Variants in GRIN2A observed in about 807,000 individuals in gnomAD.
The protein encoded by GRIN2A is glutamate ionotropic receptor NMDA type subunit 2A.
A neutral mutation model predicts 113.4 loss-of-function variants in GRIN2A; 22 were observed. That is an observed-to-expected ratio of 0.19 (90% CI 0.14 to 0.28). GRIN2A has a LOEUF of 0.28. GRIN2A is among the 10% of genes least tolerant of loss of function. The pLI, the probability that GRIN2A is intolerant of heterozygous loss-of-function variation, is 1.00. For missense variants in GRIN2A, 1,502 were observed against 1,887.0 expected (o/e 0.80, Z 3.78); for synonymous variants, 827 against 738.4 (o/e 1.12, Z -1.94).
At chr16:9,930,233 C>T (rs2044557531) in intron 3 of GRIN2A, among the ~76,000 whole-genome samples, 1 of 152,032 alleles carries the variant, frequency 6.6e-6, no homozygotes, top group African/African-American at 2.4e-5. Flanking sequence ...TGTAGAGTGC[C>T]GACTATATCC....
At chr16:10,137,348 G>T (rs1012954394) in intron 2 of GRIN2A, among the ~76,000 whole-genome samples, 1 of 152,128 alleles carries the variant, frequency 6.6e-6, no homozygotes, top group African/African-American at 2.4e-5. Flanking sequence ...TTGAAAGCAG[G>T]CCTGACTCTA....
Position 9,798,373 on chromosome 16 carries a change from A to G in GRIN2A, c.2260T>C (p.Tyr754His). 1 of 1,613,782 alleles carries G rather than the reference A, an allele frequency of 6.2e-7. No homozygotes were observed. Residue 754 changes from tyrosine (Y) to histidine (H), a missense_variant, in exon 11 of 13, where the codon TAC becomes CAC. By Grantham distance (83) the Tyr-to-His change is moderately conservative. Coordinates refer to ENST00000330684, the MANE Select transcript of GRIN2A (RefSeq NM_001134407.3). ...CCATAACCGGTGGTGGCAAAGATGT[A>G]CCCACTCCCGATGGTCACCAGCTTG... Reference protein sequence around the residue: ...GCKLVTIGSGYIFATTGYGIA... With the variant: ...GCKLVTIGSGHIFATTGYGIA...
chr16:9,842,439 A>G (rs1403312236), intron 5 of GRIN2A, among the ~76,000 whole-genome samples: 2 of 152,214 alleles, frequency 1.3e-5, no homozygotes, highest in Admixed American at 6.5e-5. Flanking sequence ...CTCTGTTTGA[A>G]TATCCCATTT....
At chr16:9,802,773 T>A (rs1363316341) in intron 10 of GRIN2A, among the ~76,000 whole-genome samples, 1 of 152,180 alleles carries the variant, frequency 6.6e-6, no homozygotes, top group East Asian at 1.9e-4. Context: ...CTACTATGGA[T>A]ATCGAGCACT....
intron 2 of GRIN2A, among the ~76,000 whole-genome samples, chr16:10,132,963 T>C (rs1486195431): frequency 1.3e-5 from 2 of 152,230 alleles, no homozygotes; most frequent in East Asian, 3.9e-4. Flanking sequence ...GTTTGTAGAG[T>C]CTGCCCACAT....
chr16:9,981,852 T>C (rs1328785559), intron 2 of GRIN2A, among the ~76,000 whole-genome samples: 1 of 152,192 alleles, frequency 6.6e-6, no homozygotes, highest in Admixed American at 6.5e-5. Context: ...AGGGGTGTGA[T>C]CTCTGCTCAC....
chr16:10,144,914 C>T (rs1253601592), intron 2 of GRIN2A, among the ~76,000 whole-genome samples: 5 of 67,350 alleles, frequency 7.4e-5, no homozygotes, highest in Non-Finnish European at 1.1e-4. Context: ...GAGCAAGACC[C>T]TGTCTCAAAA....
At chr16:9,898,284 G>A (rs764014565) in intron 3 of GRIN2A, among the ~76,000 whole-genome samples, 4 of 151,988 alleles carry the variant, frequency 2.6e-5, no homozygotes, top group African/African-American at 7.3e-5. Flanking sequence ...CAAATGCAAT[G>A]CTTTTTAAAG....
intron 10 of GRIN2A, among the ~76,000 whole-genome samples, chr16:9,813,358 TAG>T (rs1421751487): frequency 6.6e-6 from 1 of 152,106 alleles, no homozygotes; most frequent in Non-Finnish European, 1.5e-5. Flanking sequence ...CAGGAAAAAA[TAG>T]AGAATTATAG....
intron 5 of GRIN2A, 143 bp from the exon 6 acceptor site, chr16:9,841,247 T>C: frequency 2.7e-6 from 2 of 727,840 alleles, no homozygotes; most frequent in Non-Finnish European, 4.9e-6. Flanking sequence ...ACACTGTGAG[T>C]ACATGACAGC....
chr16:9,758,646 A>G lies in GRIN2A; in HGVS notation c.*4503T>C, dbSNP rs1364987138. 1 of 213,674 alleles carries G rather than the reference A, an allele frequency of 4.7e-6. No individual in the cohort carries two copies. Among genetic ancestry groups the G allele is most frequent in the Non-Finnish European group, 9.5e-6 (1 of 105,690 alleles). 13.2% of individuals were successfully genotyped at this position (213,674 alleles called of 1,614,324 possible). A position where few individuals can be genotyped will look rare whatever the true frequency, so the allele number is the denominator to read the frequency against. On this transcript the variant is annotated 3_prime_UTR_variant, in exon 13 of 13. Transcript: ENST00000330684. ...ATATTATATACATGTGTACACAAGC[A>G]GTTGTATTCACAGGATAAGTGCATT...
At chr16:9,766,752 A>T (rs1320942976) in intron 12 of GRIN2A, among the ~76,000 whole-genome samples, 1 of 151,848 alleles carries the variant, frequency 6.6e-6, no homozygotes, top group Non-Finnish European at 1.5e-5. Flanking sequence ...AAATCAAATC[A>T]AATCAATCAA....
intron 2 of GRIN2A, among the ~76,000 whole-genome samples, chr16:10,093,630 C>CA (rs2048228693): frequency 7.1e-6 from 1 of 141,432 alleles, no homozygotes; most frequent in African/African-American, 2.5e-5. Context: ...AAAAAAAAAA[C>CA]AAAAAACCTT....
At chr16:10,049,240 T>TTTAA (rs1453755785) in intron 2 of GRIN2A, among the ~76,000 whole-genome samples, 1 of 152,206 alleles carries the variant, frequency 6.6e-6, no homozygotes, top group African/African-American at 2.4e-5. Context: ...TGCCTATTTA[T>TTTAA]TTAAATTTAT....
At chr16:9,947,519 C>T (rs932307660) in intron 2 of GRIN2A, among the ~76,000 whole-genome samples, 5 of 152,214 alleles carry the variant, frequency 3.3e-5, no homozygotes, top group Admixed American at 2.6e-4. Flanking sequence ...ATAACACTTG[C>T]TAGGGGCAGG....
At chr16:9,778,645 G>A (rs1391143134) in intron 11 of GRIN2A, among the ~76,000 whole-genome samples, 1 of 152,188 alleles carries the variant, frequency 6.6e-6, no homozygotes, top group Non-Finnish European at 1.5e-5. Context: ...GACCAACGAG[G>A]GGAAGTAAAT....
chr16:10,178,159 C>T (rs375028402), intron 2 of GRIN2A, among the ~76,000 whole-genome samples: 8 of 152,146 alleles, frequency 5.3e-5, no homozygotes, highest in Non-Finnish European at 8.8e-5. Flanking sequence ...AATCATACTC[C>T]AAGGCGTGGC....
intron 5 of GRIN2A, among the ~76,000 whole-genome samples, chr16:9,842,176 A>T (rs1322109598): frequency 6.6e-6 from 1 of 151,772 alleles, no homozygotes; most frequent in Non-Finnish European, 1.5e-5. Flanking sequence ...ACTTGAACCC[A>T]GGAGGCGGGG....
At chr16:9,834,271 A>G (rs1567332957) in intron 7 of GRIN2A, 41 bp from the exon 8 acceptor site, 9 of 1,609,708 alleles carry the variant, frequency 5.6e-6, no homozygotes, top group Non-Finnish European at 6.8e-6. Flanking sequence ...GTGGTTAGTT[A>G]TCTCTTCCTC....
Sources: gnomAD v4.1 joint callset for allele counts (sites outside exome capture counted in the v4.1 genomes callset) on GRCh38, gnomAD v4.1.1 for gene constraint, MANE v1.5 for transcripts, NCBI Gene and HGNC (gene_info 2026-07-23, HGNC 2026-07-21) for gene names.